PTPRN2: variants seen among roughly 807,000 people sequenced by gnomAD.
PTPRN2 encodes receptor-type tyrosine-protein phosphatase N2.
In PTPRN2, 74 loss-of-function variants were observed where a neutral mutation model predicts 118.8. The observed-to-expected ratio is 0.62, with a 90% CI of 0.52 to 0.76. The LOEUF is 0.76. Among genes scored for constraint, PTPRN2 ranks in the 30% least tolerant of loss-of-function variants. PTPRN2 has a pLI of 0.00. For missense variants in PTPRN2, 1,481 were observed against 1,394.4 expected (o/e 1.06, Z -0.99); for synonymous variants, 641 against 608.0 (o/e 1.05, Z -0.80).
intron 17 of PTPRN2, among the ~76,000 whole-genome samples, chr7:157,593,464 C>T (rs538368886): frequency 2.3e-4 from 35 of 152,328 alleles, no homozygotes; most frequent in African/African-American, 8.2e-4. Context: ...TGAAAGAACA[C>T]ATATTTGGGG....
At chr7:157,985,161 C>T (rs1803681829) in intron 11 of PTPRN2, among the ~76,000 whole-genome samples, 1 of 152,200 alleles carries the variant, frequency 6.6e-6, no homozygotes, top group African/African-American at 2.4e-5. Context: ...ATGTTTGGGC[C>T]CTACTTGCAT....
Position 158,517,920 on chromosome 7 carries a change from C to T in PTPRN2, c.113-28135G>A, listed in dbSNP as rs2129447505. On this transcript the variant is annotated intron_variant, in intron 1 of 22. Coordinates refer to ENST00000389418, the MANE Select transcript of PTPRN2 (RefSeq NM_002847.5). This position sits in a 1 kb window ranked among gnomAD's most constrained non-coding sequence, Gnocchi z 5.3. ...CCTCCCCCCCAGTCTGACTAGAGTCCACTCATTTTTCAGGTACCAAGTTGC... is the reference window on the plus strand; with the variant it reads ...CCTCCCCCCCAGTCTGACTAGAGTCTACTCATTTTTCAGGTACCAAGTTGC... Among the ~76,000 whole-genome samples the T allele has an allele frequency of 6.6e-6, 1 of 152,298 alleles. No individual in the cohort carries two copies. The highest frequency in any genetic ancestry group is 2.1e-4 in the South Asian group (1 of 4,820).
Position 158,443,462 on chromosome 7 carries a change from G to A in PTPRN2, c.163+46273C>T, listed in dbSNP as rs117049584. On this transcript the variant is annotated intron_variant, in intron 2 of 22. Coordinates refer to ENST00000389418, the MANE Select transcript of PTPRN2 (RefSeq NM_002847.5). ...ACTGACGGGTCTGTAAGAGTTGGGGGCTGCCCGCCGCCTGGTCAGTCACGC... is the reference window on the plus strand; with the variant it reads ...ACTGACGGGTCTGTAAGAGTTGGGGACTGCCCGCCGCCTGGTCAGTCACGC... Among the ~76,000 whole-genome samples the A allele has an allele frequency of 1.3e-3, 194 of 152,352 alleles. 6 individuals are homozygous for A. In the East Asian group the frequency reaches 0.035, roughly 27 times the overall value.
chr7:158,146,094 AC>A (rs1819953753), intron 6 of PTPRN2, among the ~76,000 whole-genome samples: 2 of 152,132 alleles, frequency 1.3e-5, no homozygotes, highest in Admixed American at 6.6e-5. Context: ...GAAAACAAAT[AC>A]TTGGTTCTCC....
chr7:158,533,957 G>T (rs933995091), intron 1 of PTPRN2, among the ~76,000 whole-genome samples: 1 of 152,198 alleles, frequency 6.6e-6, no homozygotes. Context: ...GCCTGAAGAT[G>T]CAGGGGCTAC....
intron 2 of PTPRN2, among the ~76,000 whole-genome samples, chr7:158,446,834 A>G (rs1220796725): frequency 1.3e-5 from 2 of 152,190 alleles, no homozygotes; most frequent in Admixed American, 6.5e-5. Context: ...TGTCCAGGGC[A>G]CCCATGACAT....
rs377543237 is a variant in PTPRN2 at position 157,803,798 on chromosome 7, G to A, written c.1788+94875C>T. ...ATAAGTCTGTTTTTATGCCAGTAGTGTATTGTTTTAATAACCATAGCTTTG... is the reference window on the plus strand; with the variant it reads ...ATAAGTCTGTTTTTATGCCAGTAGTATATTGTTTTAATAACCATAGCTTTG... On this transcript the variant is annotated intron_variant, in intron 12 of 22. Coordinates refer to ENST00000389418, the MANE Select transcript of PTPRN2 (RefSeq NM_002847.5). Among the ~76,000 whole-genome samples the A allele has an allele frequency of 2.0e-3, 303 of 152,298 alleles. 3 individuals carry two copies. The South Asian group carries it at 0.04, about 20-fold the overall frequency.
At chr7:158,033,402 T>G (rs1807836169) in intron 11 of PTPRN2, among the ~76,000 whole-genome samples, 1 of 152,252 alleles carries the variant, frequency 6.6e-6, no homozygotes, top group African/African-American at 2.4e-5. Context: ...GGAAGCAGCC[T>G]GAGTCCTTGC....
intron 2 of PTPRN2, among the ~76,000 whole-genome samples, chr7:158,475,867 GA>G (rs1820216167): frequency 6.6e-6 from 1 of 152,164 alleles, no homozygotes; most frequent in East Asian, 1.9e-4. Flanking sequence ...TCAGATATTA[GA>G]ACTTCATTGT....
intron 21 of PTPRN2, among the ~76,000 whole-genome samples, chr7:157,549,317 C>CTTTTT (rs1265288004): frequency 1.6e-5 from 2 of 128,300 alleles, no homozygotes; most frequent in African/African-American, 5.8e-5. Context: ...TCTTTTCTTT[C>CTTTTT]TTTTCTTTTT....
At chr7:157,743,278 G>A (rs1371755492) in intron 12 of PTPRN2, among the ~76,000 whole-genome samples, 1 of 152,156 alleles carries the variant, frequency 6.6e-6, no homozygotes. Flanking sequence ...AATGTCAGCC[G>A]CCTTCCACAG....
chr7:157,643,965 C>T (rs1040073767), intron 14 of PTPRN2, among the ~76,000 whole-genome samples: 1 of 152,228 alleles, frequency 6.6e-6, no homozygotes, highest in African/African-American at 2.4e-5. Context: ...GGAGCTTCCC[C>T]CGTGGGACTG....
intron 11 of PTPRN2, among the ~76,000 whole-genome samples, chr7:158,053,529 G>A (rs1809492066): frequency 6.6e-6 from 1 of 152,214 alleles, no homozygotes; most frequent in Admixed American, 6.5e-5. Flanking sequence ...GAAGAGGAAC[G>A]AATGGTATGA....
intron 11 of PTPRN2, among the ~76,000 whole-genome samples, chr7:157,978,162 G>A (rs909275152): frequency 6.6e-6 from 1 of 152,010 alleles, no homozygotes; most frequent in African/African-American, 2.4e-5. Flanking sequence ...CAGCTCTCAG[G>A]TGTGTTTTGT....
At chr7:158,011,423 G>A (rs1043701128) in intron 11 of PTPRN2, among the ~76,000 whole-genome samples, 23 of 152,160 alleles carry the variant, frequency 1.5e-4, no homozygotes, top group African/African-American at 5.3e-4. Context: ...ACAGGTGTTT[G>A]ATTTCATTCC....
In PTPRN2 at chr7:157,893,975, G is replaced by C. The variant is rs1796957674; in HGVS notation, c.1788+4698C>G. 6.6e-6 allele frequency among the ~76,000 whole-genome samples: 1 copy of C among 152,150 alleles called. No homozygotes were observed. Among genetic ancestry groups the C allele is most frequent in the Admixed American group, 6.5e-5 (1 of 15,284 alleles). On this transcript the variant is annotated intron_variant, in intron 12 of 22. Transcript: ENST00000389418. This position sits in a 1 kb window ranked among gnomAD's most constrained non-coding sequence, Gnocchi z 4.0. ...GGTTCTGCCTTCAGAGGAAACAATG[G>C]GCCTTATTCCTCGATACACCTCCAG... is the stretch of plus-strand genomic sequence containing the variant.
chr7:158,188,766 A>G (rs60948721), intron 5 of PTPRN2, among the ~76,000 whole-genome samples: 143,183 of 151,190 alleles, frequency 0.95, 67,869 homozygotes, highest in African/African-American at 0.98. Context: ...CGCCACGCTC[A>G]CCCGCTGTAT....
intron 3 of PTPRN2, among the ~76,000 whole-genome samples, chr7:158,280,684 T>TC (rs1442284918): frequency 6.6e-6 from 1 of 151,472 alleles, no homozygotes; most frequent in Non-Finnish European, 1.5e-5. Flanking sequence ...GTGGAGTTTC[T>TC]CCACCGTCAT....
rs895620022 is a variant in PTPRN2, at chr7:157,632,601, AG to A, written c.2197-11093del. Among the ~76,000 whole-genome samples the A allele has an allele frequency of 6.6e-6, 1 of 152,134 alleles. No homozygotes were observed. The highest frequency in any genetic ancestry group is 2.4e-5 in the African/African-American group (1 of 41,428). On this transcript the variant is annotated intron_variant, in intron 14 of 22. Transcript: ENST00000389418. This position sits in a 1 kb window ranked among gnomAD's most constrained non-coding sequence, Gnocchi z 4.3. Reference sequence around the variant, plus strand: ...TATCATATTAGGGAGTGTGCGTAGGAGGGGGTGACAGGGGTCACCTGCAGAA... The same window carrying A: ...TATCATATTAGGGAGTGTGCGTAGGAGGGGTGACAGGGGTCACCTGCAGAA...
Sources: gnomAD v4.1 joint callset for allele counts (sites outside exome capture counted in the v4.1 genomes callset) on GRCh38, gnomAD v4.1.1 for gene constraint, Gnocchi (gnomAD v3.1) non-coding constraint, MANE v1.5 for transcripts, NCBI Gene and HGNC (gene_info 2026-07-23, HGNC 2026-07-21) for gene names.